ZC3H13: variants seen among roughly 807,000 people sequenced by gnomAD.
ZC3H13 encodes the protein zinc finger CCCH domain-containing protein 13.
A neutral mutation model predicts 204.1 loss-of-function variants in ZC3H13; 64 were observed. That is an observed-to-expected ratio of 0.31 (90% CI 0.26 to 0.39). ZC3H13 has a LOEUF of 0.39. Among genes scored for constraint, ZC3H13 ranks in the 10% least tolerant of loss-of-function variants. ZC3H13 has a pLI of 1.00. For missense variants in ZC3H13, 1,833 were observed against 2,082.7 expected (o/e 0.88, Z 2.33); for synonymous variants, 667 against 693.7 (o/e 0.96, Z 0.60).
chr13:45,976,046 A>G, intron 11 of ZC3H13: 2 of 832,408 alleles, frequency 2.4e-6, no homozygotes, highest in African/African-American at 3.7e-5. Context: ...TTTGCCCTCT[A>G]ACGACCATGT....
chr13:46,010,636 C>A, intron 6 of ZC3H13, 131 bp from the exon 7 acceptor site: 6 of 892,292 alleles, frequency 6.7e-6, no homozygotes, highest in Non-Finnish European at 9.8e-6. Flanking sequence ...TGGTTCACAC[C>A]TGTAATCCCA....
At chr13:46,000,388 T>G (rs2040657002) in intron 8 of ZC3H13, among the ~76,000 whole-genome samples, 1 of 152,222 alleles carries the variant, frequency 6.6e-6, no homozygotes, top group African/African-American at 2.4e-5. Flanking sequence ...CAGCATGTGC[T>G]GCTTCATCTT....
intron 4 of ZC3H13, among the ~76,000 whole-genome samples, chr13:46,041,368 G>A (rs2043568947): frequency 6.6e-6 from 1 of 152,070 alleles, no homozygotes; most frequent in Admixed American, 6.6e-5. Context: ...GAAATATATA[G>A]GCAAATCTCT....
In ZC3H13 at chr13:46,045,448, T is replaced by C. The variant is rs1341467198; in HGVS notation, c.60A>G (p.Thr20=). 2 of 1,614,154 alleles carry C rather than the reference T, an allele frequency of 1.2e-6. No individual in the cohort carries two copies. Among genetic ancestry groups the C allele is most frequent in the Non-Finnish European group, 1.7e-6 (2 of 1,180,014 alleles). ...VENTKTISDS[T]SRRPSVFERL... ...TCTCAAATACACTGGGTCTTCGGGA[T>C]GTGCTATCAGATATAGTCTTGGTAT... Residue 20 remains threonine (T), a synonymous_variant, in exon 2 of 19, where the codon ACA becomes ACG. Transcript: ENST00000679008.
At chr13:45,974,133 C>T (rs180767128) in intron 12 of ZC3H13, among the ~76,000 whole-genome samples, 2 of 152,338 alleles carry the variant, frequency 1.3e-5, no homozygotes. Flanking sequence ...AGGTAAACCA[C>T]AGTGTTTATC....
At chr13:46,048,907 G>A (rs1341626542) in intron 1 of ZC3H13, among the ~76,000 whole-genome samples, 1 of 152,064 alleles carries the variant, frequency 6.6e-6, no homozygotes, top group Non-Finnish European at 1.5e-5. Context: ...AAGGCAGGCG[G>A]ATCACGAGGT....
chr13:45,999,640 C>T (rs1213768383), intron 8 of ZC3H13, among the ~76,000 whole-genome samples: 1 of 152,186 alleles, frequency 6.6e-6, no homozygotes, highest in Admixed American at 6.5e-5. Context: ...CATCCATGAA[C>T]GTTGTAATTG....
chr13:45,975,350 T>C lies in ZC3H13; in HGVS notation c.2401A>G (p.Arg801Gly). Residue 801 changes from arginine (R) to glycine (G), a missense_variant, in exon 12 of 19, where the codon AGA (arginine) becomes GGA (glycine). Arg to Gly is a moderately radical substitution (Grantham distance 125, BLOSUM62 -2). Coordinates refer to ENST00000679008, the MANE Select transcript of ZC3H13 (RefSeq NM_001330564.2). ...TCTCGGATCTCTTCTCGCTTTTCTC[T>C]GCGGTCATCTCGTCCTTTGTCTTTG... ...EDKDKGRDDR[R>G]EKREEIREDR... The C allele has an allele frequency of 3.1e-6, 5 of 1,614,136 alleles. No homozygotes were observed. The highest frequency in any genetic ancestry group is 4.2e-6 in the Non-Finnish European group (5 of 1,180,016).
intron 11 of ZC3H13, among the ~76,000 whole-genome samples, chr13:45,977,492 T>TTA (rs1234263907): frequency 6.6e-6 from 1 of 152,168 alleles, no homozygotes; most frequent in Non-Finnish European, 1.5e-5. Context: ...AATGTCTAAA[T>TTA]TATCTTCCCC....
At chr13:46,049,965 A>C (rs1056225171) in intron 1 of ZC3H13, among the ~76,000 whole-genome samples, 7 of 152,164 alleles carry the variant, frequency 4.6e-5, no homozygotes, top group African/African-American at 1.7e-4. Context: ...AGTTGCCATC[A>C]CACTTCCACC....
chr13:45,996,748 C>CAAAAAAAAAAAAAAA (rs79022953), intron 8 of ZC3H13, among the ~76,000 whole-genome samples: 1 of 50,570 alleles, frequency 2.0e-5, no homozygotes, highest in Non-Finnish European at 4.5e-5. Context: ...TGAATATGTA[C>CAAAAAAAAAAAAAAA]AAAAAAAAAA....
rs983093853 is a variant in ZC3H13, at chr13:46,045,304, A to G, written c.117+87T>C. On this transcript the variant is annotated intron_variant, in intron 2 of 18. Coordinates refer to ENST00000679008, the MANE Select transcript of ZC3H13 (RefSeq NM_001330564.2). ...ACTGAACAAACATTCCTACAATAAA[A>G]CAACCTGTTCACCTTTATGATACAA... The G allele has an allele frequency of 2.4e-6, 3 of 1,230,126 alleles. No homozygotes were observed. In the African/African-American group the frequency reaches 4.6e-5, roughly 19 times the overall value. The allele number at this position is 1,230,126 out of a possible 1,614,324, so 76.2% of individuals were successfully genotyped here.
chr13:45,988,425 T>C (rs907352576), intron 9 of ZC3H13, among the ~76,000 whole-genome samples: 9 of 152,160 alleles, frequency 5.9e-5, no homozygotes, highest in Admixed American at 1.3e-4. Context: ...GCCCAGCTAA[T>C]TTTTTGTATT....
Position 46,052,424 on chromosome 13 carries a change from G to T in ZC3H13, c.-30C>A, listed in dbSNP as rs2044540232. ...CTTACTTCCTCCCCAAGCTCCCTTC[G>T]CAAGTGCAGTCCGGAGGCACCACCG... On this transcript the variant is annotated 5_prime_UTR_variant, in exon 1 of 19. Transcript: ENST00000679008. 2.5e-6 allele frequency: 1 copy of T among 397,430 alleles called. No homozygotes were observed. The highest frequency in any genetic ancestry group is 2.1e-5 in the African/African-American group (1 of 48,540). The allele number at this position is 397,430 out of a possible 1,614,324, so 24.6% of individuals were successfully genotyped here. A position where few individuals can be genotyped will look rare whatever the true frequency, so the allele number is the denominator to read the frequency against.
chr13:45,982,000 C>G (rs767485413), intron 10 of ZC3H13, among the ~76,000 whole-genome samples: 3 of 149,886 alleles, frequency 2.0e-5, no homozygotes, highest in Non-Finnish European at 3.0e-5. Context: ...CACATGTACC[C>G]TAAAACTTAA....
chr13:46,037,446 T>C (rs780064318), intron 4 of ZC3H13, among the ~76,000 whole-genome samples: 1 of 152,232 alleles, frequency 6.6e-6, no homozygotes, highest in Non-Finnish European at 1.5e-5. Context: ...TATGTCTCCG[T>C]CATCAATAAA....
rs988165544 is a variant in ZC3H13 at position 46,052,414 on chromosome 13, A to G, written c.-20T>C. The stretch of plus-strand genomic sequence containing the variant: ...TCACAGAACGCTTACTTCCTCCCCA[A>G]GCTCCCTTCGCAAGTGCAGTCCGGA... On this transcript the variant is annotated 5_prime_UTR_variant, in exon 1 of 19. Transcript: ENST00000679008. 2 of 397,124 alleles carry G rather than the reference A, an allele frequency of 5.0e-6. No homozygotes were observed. The highest frequency in any genetic ancestry group is 4.1e-5 in the African/African-American group (2 of 48,512). The allele number at this position is 397,124 out of a possible 1,614,324, so 24.6% of individuals were successfully genotyped here.
chr13:45,985,206 T>A (rs774100118), intron 10 of ZC3H13, 91 bp downstream of exon 10: 156 of 1,266,450 alleles, frequency 1.2e-4, no homozygotes, highest in Non-Finnish European at 1.6e-4. Context: ...GACAAAATGA[T>A]AACAAATGTA....
chr13:45,991,252 A>C (rs2039948938), intron 8 of ZC3H13, among the ~76,000 whole-genome samples: 1 of 152,228 alleles, frequency 6.6e-6, no homozygotes, highest in African/African-American at 2.4e-5. Context: ...ACTTAAAAAA[A>C]CAAAACAGTT....
Sources: allele counts gnomAD v4.1 joint callset (sites outside exome capture counted in the v4.1 genomes callset), GRCh38; gene constraint gnomAD v4.1.1; transcripts MANE v1.5; gene names NCBI Gene and HGNC (gene_info 2026-07-23, HGNC 2026-07-21).